The following ARHGEF40 variants were observed in gnomAD, a reference collection of about 807,000 sequenced individuals.
ARHGEF40 encodes the protein Rho guanine nucleotide exchange factor 40, also known as Rho guanine nucleotide exchange factor (GEF) 40.
A neutral mutation model predicts 165.9 loss-of-function variants in ARHGEF40; 98 were observed. The ratio of observed to expected loss-of-function variants is 0.59; its 90% CI spans 0.50 to 0.70. ARHGEF40 has a LOEUF of 0.70. ARHGEF40 is among the 30% of genes least tolerant of loss of function. ARHGEF40 has a pLI of 0.00. For synonymous variants in ARHGEF40, 792 were observed against 814.3 expected (o/e 0.97, Z 0.47); for missense variants, 1,815 against 1,968.0 (o/e 0.92, Z 1.47).
At position 21,074,809 on chromosome 14, in the gene ARHGEF40, G is replaced by A; in HGVS notation, c.1079G>A (p.Gly360Glu). 6.2e-7 allele frequency: 1 copy of A among 1,607,006 alleles called. No homozygotes were observed. The highest frequency in any genetic ancestry group is 2.2e-5 in the East Asian group (1 of 44,796). ...LRPGELRGGG[G>E]GGQGAEGPPG... ...CCAGGGGAGCTTAGAGGAGGAGGAGGAGGAGGCCAGGGGGCTGAAGGACCA... is the reference window on the plus strand; with the variant it reads ...CCAGGGGAGCTTAGAGGAGGAGGAGAAGGAGGCCAGGGGGCTGAAGGACCA... The change falls in exon 3 of 24, where the codon GGA (glycine) becomes GAA (glutamate). Residue 360 changes from glycine (G) to glutamate (E), a missense_variant. Transcript: ENST00000298694. This position sits in a 1 kb window ranked among gnomAD's most constrained non-coding sequence, Gnocchi z 4.8.
chr14:21,080,568 A>G, intron 11 of ARHGEF40, 92 bp from the exon 12 acceptor site: 2 of 1,414,694 alleles, frequency 1.4e-6, no homozygotes, highest in Non-Finnish European at 1.9e-6. Context: ...TCAAAGTTCT[A>G]TAGATTGGGG....
intron 18 of ARHGEF40, among the ~76,000 whole-genome samples, chr14:21,085,471 C>A (rs1027052447): frequency 3.9e-5 from 6 of 152,182 alleles, no homozygotes; most frequent in South Asian, 2.1e-4. Flanking sequence ...CTGTGAGAAG[C>A]CTTTGTGGAA....
Position 21,087,007 on chromosome 14 carries a change from G to C in ARHGEF40, c.4145G>C (p.Arg1382Pro). 1 of 1,598,984 alleles carries C rather than the reference G, an allele frequency of 6.3e-7. No individual in the cohort carries two copies. The highest frequency in any genetic ancestry group is 8.5e-7 in the Non-Finnish European group (1 of 1,172,430). Residue 1382 changes from arginine (R) to proline (P), a missense_variant, in exon 20 of 24, where the codon CGA (arginine) becomes CCA (proline). Coordinates refer to ENST00000298694, the MANE Select transcript of ARHGEF40 (RefSeq NM_018071.5). ...WRQAAHNKEL[R>P]VQQMVSMGIG... ...AAGTGTCCCTATTCCCCAGAGCTCC[G>C]AGTGCAGCAGATGGTGTCCATGGGC...
In ARHGEF40 at chr14:21,085,534, G is replaced by A. The variant is rs146769889; in HGVS notation, c.3961-155G>A. ...CCCTTCTGTAAATTATGTTTGTTAC[G>A]AAGACTAAACGTAGAGCACTTGGCA... On this transcript the variant is annotated intron_variant, in intron 18 of 23. Coordinates refer to ENST00000298694, the MANE Select transcript of ARHGEF40 (RefSeq NM_018071.5). Among the ~76,000 whole-genome samples, 12 of 152,338 alleles carry A rather than the reference G, an allele frequency of 7.9e-5. No individual in the cohort carries two copies. The East Asian group carries it at 2.1e-3, about 27-fold the overall frequency.
chr14:21,087,251 G>C, intron 20 of ARHGEF40, 69 bp from the exon 21 acceptor site: 1 of 1,583,984 alleles, frequency 6.3e-7, no homozygotes, highest in Non-Finnish European at 8.6e-7. Context: ...TGAGACTGAG[G>C]GTCATTCCAG....
upstream of ARHGEF40, among the ~76,000 whole-genome samples, chr14:21,066,576 C>T (rs989409156): frequency 6.6e-6 from 1 of 152,196 alleles, no homozygotes; most frequent in African/African-American, 2.4e-5. Context: ...CCACGTGATC[C>T]ACCTGCCTCG....
At chr14:21,070,291 C>G (rs1276911389), upstream of ARHGEF40, 1 of 1,217,534 alleles carries the variant, frequency 8.2e-7, no homozygotes. This position sits in a 1 kb window ranked among gnomAD's most constrained non-coding sequence, Gnocchi z 4.7. Flanking sequence ...GCGGCCGGAG[C>G]TGTCCCTTAG....
chr14:21,075,390 G>A lies in ARHGEF40; in HGVS notation c.1509G>A (p.Val503=). 6.2e-7 allele frequency: 1 copy of A among 1,614,208 alleles called. No homozygotes were observed. Among genetic ancestry groups the A allele is most frequent in the South Asian group, 1.1e-5 (1 of 91,088 alleles). The change falls in exon 4 of 24, where the codon GTG becomes GTA. Residue 503 remains valine (V), a synonymous_variant. Transcript: ENST00000298694. The surrounding 1 kb of genome is among the most constrained non-coding windows in gnomAD (Gnocchi z 4.5). ...CTCCAACACCTCCGCTGGAGACTGT[G>A]CAGGAAGGAAAAGGGGACAACATTC... ...SDTPTPPLET[V]QEGKGDNIPE... is the part of the protein sequence containing the mutation.
chr14:21,086,004 C>A, intron 19 of ARHGEF40, 138 bp downstream of exon 19: 3 of 1,037,098 alleles, frequency 2.9e-6, no homozygotes, highest in South Asian at 1.7e-5. Context: ...CAAGATTTGG[C>A]TTGAGAGATT....
rs1255173674 is a variant in ARHGEF40 at position 21,070,680 on chromosome 14, C to G, written c.3+281C>G. On this transcript the variant is annotated intron_variant, in intron 1 of 23. Transcript: ENST00000298694. The surrounding 1 kb of genome is among the most constrained non-coding windows in gnomAD (Gnocchi z 4.7). ...CCTAATCCACACACCTCCCCGCTCCCCGCCCTCCTCTGTCCTGACCTGTGC... is the reference window on the plus strand; with the variant it reads ...CCTAATCCACACACCTCCCCGCTCCGCGCCCTCCTCTGTCCTGACCTGTGC... 1 of 954,322 alleles carries G rather than the reference C, an allele frequency of 1.0e-6. No individual in the cohort carries two copies. Among genetic ancestry groups the G allele is most frequent in the Non-Finnish European group, 1.5e-6 (1 of 645,478 alleles). The allele number at this position is 954,322 out of a possible 1,614,324, so 59.1% of individuals were successfully genotyped here. A position where few individuals can be genotyped will look rare whatever the true frequency, so the allele number is the denominator to read the frequency against.
chr14:21,088,741 A>C (rs1466950164), intron 22 of ARHGEF40, 89 bp from the exon 23 acceptor site: 2 of 1,377,036 alleles, frequency 1.5e-6, no homozygotes, highest in Non-Finnish European at 2.0e-6. Flanking sequence ...AGAGAGGTGA[A>C]TTGACAGGCT....
At position 21,073,182 on chromosome 14, in the gene ARHGEF40, C is replaced by T. The variant is rs1278425291; in HGVS notation, c.141C>T (p.Tyr47=). The T allele has an allele frequency of 1.9e-6, 3 of 1,614,028 alleles. No homozygotes were observed. The highest frequency in any genetic ancestry group is 2.5e-6 in the Non-Finnish European group (3 of 1,179,992). ...ERTYREDALR[Y]TLDFLVPAKH... ...CTTATCGGGAGGACGCACTGAGGTA[C>T]ACGCTGGACTTCCTGGTACCAGCCA... Residue 47 remains tyrosine (Y), a synonymous_variant, in exon 2 of 24, where the codon TAC becomes TAT. Coordinates refer to ENST00000298694, the MANE Select transcript of ARHGEF40 (RefSeq NM_018071.5). The surrounding 1 kb of genome is among the most constrained non-coding windows in gnomAD (Gnocchi z 4.6).
chr14:21,078,905 T>A lies in ARHGEF40; in HGVS notation c.2268T>A (p.Ala756=). The A allele has an allele frequency of 1.2e-6, 2 of 1,613,998 alleles. No individual in the cohort carries two copies. The highest frequency in any genetic ancestry group is 1.7e-6 in the Non-Finnish European group (2 of 1,179,832). ...PSSKLEGQGP[A]TLYQEVDEAI... ...CAAGGCTGGAGGGCCAAGGCCCAGC[T>A]ACACTGTATCAGGAAGTGGACGAGG... Residue 756 remains alanine (A), a synonymous_variant, in exon 11 of 24, where the codon GCT becomes GCA. Transcript: ENST00000298694.
intron 22 of ARHGEF40, among the ~76,000 whole-genome samples, chr14:21,088,504 C>T (rs1888554383): frequency 7.3e-6 from 1 of 136,310 alleles, no homozygotes; most frequent in Non-Finnish European, 1.6e-5. Context: ...CATAGTGAGA[C>T]TCCATCTCTA....
chr14:21,083,701 C>T lies in ARHGEF40; in HGVS notation c.3574-134C>T, dbSNP rs551620317. 102 of 752,606 alleles carry T rather than the reference C, an allele frequency of 1.4e-4. 1 individual carries two copies. Among genetic ancestry groups the T allele is most frequent in the African/African-American group, 1.3e-3 (73 of 56,648 alleles). The allele number at this position is 752,606 out of a possible 1,614,324, so 46.6% of individuals were successfully genotyped here. On this transcript the variant is annotated intron_variant, in intron 16 of 23. Coordinates refer to ENST00000298694, the MANE Select transcript of ARHGEF40 (RefSeq NM_018071.5). Reference sequence around the variant, plus strand: ...TTTCTTTCCAGGGAGAATGGTTTTGCCTTACTTTAGGGAGCATCTGGGCTT... The same window carrying T: ...TTTCTTTCCAGGGAGAATGGTTTTGTCTTACTTTAGGGAGCATCTGGGCTT...
Position 21,072,487 on chromosome 14 carries a change from C to T in ARHGEF40, c.4-558C>T, listed in dbSNP as rs958422891. On this transcript the variant is annotated intron_variant, in intron 1 of 23. Transcript: ENST00000298694. This position sits in a 1 kb window ranked among gnomAD's most constrained non-coding sequence, Gnocchi z 4.1. ...AGTCACAGACAGTCTTTCCATCCTC[C>T]TCTTTCCACCAAATGACCATCTCTA... 6.6e-6 allele frequency among the ~76,000 whole-genome samples: 1 copy of T among 152,168 alleles called. No individual in the cohort carries two copies. Among genetic ancestry groups the T allele is most frequent in the Non-Finnish European group, 1.5e-5 (1 of 68,024 alleles).
rs757601732 is a variant in ARHGEF40, at chr14:21,083,866, G to A, written c.3605G>A (p.Arg1202Gln). 1.2e-5 allele frequency: 19 copies of A among 1,613,120 alleles called. No individual in the cohort carries two copies. The highest frequency in any genetic ancestry group is 3.3e-5 in the Admixed American group (2 of 59,944). The change falls in exon 17 of 24, where the codon CGA becomes CAA. Residue 1202 changes from arginine to glutamine, a missense_variant. Arg to Gln is a conservative substitution (Grantham distance 43). Transcript: ENST00000298694. ...ATGGAGGCTGGCCCTTACCTGCCCC[G>A]AGCCCTGCAGCAGCCTCTGGAACAG... ...GSMEAGPYLP[R>Q]ALQQPLEQLT...
intron 15 of ARHGEF40, 42 bp downstream of exon 15, chr14:21,082,520 C>G (rs1888007558): frequency 1.3e-6 from 2 of 1,516,448 alleles, no homozygotes. Context: ...TCTCCCTTCT[C>G]TGTTCCAGCC....
chr14:21,074,592 G>A lies in ARHGEF40; in HGVS notation c.862G>A (p.Ala288Thr). Residue 288 changes from alanine (A) to threonine (T), a missense_variant, in exon 3 of 24, where the codon GCG becomes ACG. Ala to Thr is a moderately conservative substitution (Grantham distance 58, BLOSUM62 0). Coordinates refer to ENST00000298694, the MANE Select transcript of ARHGEF40 (RefSeq NM_018071.5). This position sits in a 1 kb window ranked among gnomAD's most constrained non-coding sequence, Gnocchi z 4.8. ...GAAGGGCCGCCACCGGAGACACCGG[G>A]CGTGGATGCACCAGAAGGGCCTGGG... is the stretch of plus-strand genomic sequence containing the variant. Reference protein sequence around the residue: ...GGKGRHRRHRAWMHQKGLGPR... With the variant: ...GGKGRHRRHRTWMHQKGLGPR... The A allele has an allele frequency of 6.4e-7, 1 of 1,568,480 alleles. No individual in the cohort carries two copies. The highest frequency in any genetic ancestry group is 8.6e-7 in the Non-Finnish European group (1 of 1,157,260).
Sources: gnomAD v4.1 joint callset for allele counts (sites outside exome capture counted in the v4.1 genomes callset) on GRCh38, gnomAD v4.1.1 for gene constraint, Gnocchi (gnomAD v3.1) non-coding constraint, MANE v1.5 for transcripts, NCBI Gene and HGNC (gene_info 2026-07-23, HGNC 2026-07-21) for gene names.